ZNF514: variants seen among roughly 807,000 people sequenced by gnomAD.
ZNF514 encodes zinc finger protein 514.
ZNF514 carries 12 observed loss-of-function variants against 9.7 expected under a neutral mutation model. The ratio of observed to expected loss-of-function variants is 1.24; its 90% CI spans 0.79 to 2.01. ZNF514 has a LOEUF of 2.01. Among genes scored for constraint, ZNF514 ranks in the 30% most tolerant of loss-of-function variants. The probability of loss-of-function intolerance (pLI) is 0.00; values close to 1 mark genes in which losing one functional copy is unlikely to be tolerated. For missense variants in ZNF514, 467 were observed against 465.5 expected (o/e 1.00, Z -0.03); for synonymous variants, 158 against 163.7 (o/e 0.97, Z 0.27).
intron 2 of ZNF514, 89 bp from the exon 3 acceptor site, chr2:95,153,348 G>T: frequency 7.5e-7 from 1 of 1,339,128 alleles, no homozygotes; most frequent in Non-Finnish European, 1.0e-6. Flanking sequence ...AGGTGAATCA[G>T]GCCTACAGAG....
chr2:95,149,920 A>C lies in ZNF514; in HGVS notation c.565T>G (p.Leu189Val), dbSNP rs1240209580. Residue 189 changes from leucine to valine, a missense_variant, in exon 5 of 5, where the codon TTA becomes GTA. Leu to Val is a conservative substitution (Grantham distance 32). Transcript: ENST00000295208. ...GTTCTCTGAGAGTTGTTTCCCCCTA[A>C]AGTCTGCCTGAATTCTGTATCACAT... Reference protein sequence around the residue: ...YKCDTEFRQTLGGNNSQRTHP... With the variant: ...YKCDTEFRQTVGGNNSQRTHP... 1 of 1,614,030 alleles carries C rather than the reference A, an allele frequency of 6.2e-7. No individual in the cohort carries two copies. Among genetic ancestry groups the C allele is most frequent in the Non-Finnish European group, 8.5e-7 (1 of 1,180,026 alleles).
At chr2:95,154,930 C>T (rs779290637) in intron 2 of ZNF514, 6 of 152,098 alleles carry the variant, frequency 3.9e-5, no homozygotes, top group Non-Finnish European at 8.8e-5. Context: ...AAAAGGCTCC[C>T]AATAAAGGCT....
In ZNF514 at chr2:95,150,162, A is replaced by G; in HGVS notation, c.323T>C (p.Leu108Pro). ...VSVEKHIQDV[L>P]QFSKLKAACG... Reference sequence around the variant, plus strand: ...GGCTGCTTTCAACTTCGAGAACTGCAGCACATCTTGAATGTGTTTTTCCAC... The same window carrying G: ...GGCTGCTTTCAACTTCGAGAACTGCGGCACATCTTGAATGTGTTTTTCCAC... Residue 108 changes from leucine to proline, a missense_variant, in exon 5 of 5, where the codon CTG (leucine) becomes CCG (proline). Coordinates refer to ENST00000295208, the MANE Select transcript of ZNF514 (RefSeq NM_032788.3). The G allele has an allele frequency of 6.2e-7, 1 of 1,610,768 alleles. No homozygotes were observed. Among genetic ancestry groups the G allele is most frequent in the Non-Finnish European group, 8.5e-7 (1 of 1,179,992 alleles).
downstream of ZNF514, among the ~76,000 whole-genome samples, chr2:95,141,041 G>A (rs1441139226): frequency 2.0e-5 from 3 of 152,016 alleles, no homozygotes; most frequent in East Asian, 3.9e-4. Context: ...GGACTCAGGG[G>A]AAACGGTGGG....
rs1326111006 is a variant in ZNF514 at position 95,147,293 on chromosome 2, A to G, written c.*1989T>C. 6.6e-6 allele frequency: 1 copy of G among 152,222 alleles called. No individual in the cohort carries two copies. Among genetic ancestry groups the G allele is most frequent in the Non-Finnish European group, 1.5e-5 (1 of 68,038 alleles). 9.4% of individuals were successfully genotyped at this position (152,222 alleles called of 1,614,324 possible). Reference sequence around the variant, plus strand: ...GGCTTGAAGTAACAAACAAAACAGGAATACTTGTTTAGCAATGGTTGGTAT... The same window carrying G: ...GGCTTGAAGTAACAAACAAAACAGGGATACTTGTTTAGCAATGGTTGGTAT... On this transcript the variant is annotated 3_prime_UTR_variant, in exon 5 of 5. Coordinates refer to ENST00000295208, the MANE Select transcript of ZNF514 (RefSeq NM_032788.3).
At chr2:95,153,490 C>T (rs1673600347) in intron 2 of ZNF514, 2 of 362,172 alleles carry the variant, frequency 5.5e-6, no homozygotes, top group African/African-American at 4.1e-5. Flanking sequence ...CTCAAATACA[C>T]AAGGATCAAC....
At chr2:95,123,856 C>T in the ZNF514 span, among the ~76,000 whole-genome samples, 2 of 152,190 alleles carry the variant, frequency 1.3e-5, no homozygotes, top group Non-Finnish European at 2.9e-5. Flanking sequence ...GTTTTGATTA[C>T]TTAGTCGTTT....
At chr2:95,157,541 C>T in intron 1 of ZNF514, 102 bp from the exon 2 acceptor site, 1 of 569,178 alleles carries the variant, frequency 1.8e-6, no homozygotes, top group Non-Finnish European at 2.9e-6. Flanking sequence ...AATGTCACCT[C>T]CGTTGTTCTG....
chr2:95,145,913 T>C lies in ZNF514; in HGVS notation c.*3369A>G, dbSNP rs930014739. ...CTCCCGTGTTTGGTAATGTCCTCTTTAGGCTGCCCCAACCTGCTGCTGCTC... is the reference window on the plus strand; with the variant it reads ...CTCCCGTGTTTGGTAATGTCCTCTTCAGGCTGCCCCAACCTGCTGCTGCTC... On this transcript the variant is annotated 3_prime_UTR_variant, in exon 5 of 5. Coordinates refer to ENST00000295208, the MANE Select transcript of ZNF514 (RefSeq NM_032788.3). Among the ~76,000 whole-genome samples, 1 of 152,238 alleles carries C rather than the reference T, an allele frequency of 6.6e-6. No homozygotes were observed. The highest frequency in any genetic ancestry group is 2.4e-5 in the African/African-American group (1 of 41,476).
chr2:95,124,651 C>A, the ZNF514 span, among the ~76,000 whole-genome samples: 2 of 151,752 alleles, frequency 1.3e-5, no homozygotes, highest in African/African-American at 4.8e-5. Flanking sequence ...CAGGCGTGTC[C>A]CATTACACTC....
At chr2:95,135,636 G>T in the ZNF514 span, among the ~76,000 whole-genome samples, 40 of 151,910 alleles carry the variant, frequency 2.6e-4, no homozygotes, top group African/African-American at 9.2e-4. Context: ...TGTCCAGGCC[G>T]GTCTTGAATC....
downstream of ZNF514, among the ~76,000 whole-genome samples, chr2:95,141,502 C>G (rs1673221438): frequency 6.6e-6 from 1 of 152,114 alleles, no homozygotes; most frequent in Non-Finnish European, 1.5e-5. Flanking sequence ...CAATACTATA[C>G]TCTACCATGC....
Position 95,149,123 on chromosome 2 carries a change from G to A in ZNF514, c.*159C>T. The stretch of plus-strand genomic sequence containing the variant: ...AGAGAGGGGAAGCCCACCCCCTCTT[G>A]ACATTGACAGGGATTCTCTTTAGTA... On this transcript the variant is annotated 3_prime_UTR_variant, in exon 5 of 5. Transcript: ENST00000295208. 1 of 923,840 alleles carries A rather than the reference G, an allele frequency of 1.1e-6. No individual in the cohort carries two copies. The highest frequency in any genetic ancestry group is 3.4e-4 in the Middle Eastern group (1 of 2,904). The allele number at this position is 923,840 out of a possible 1,614,324, so 57.2% of individuals were successfully genotyped here. A position where few individuals can be genotyped will look rare whatever the true frequency, so the allele number is the denominator to read the frequency against.
intron 1 of ZNF514, chr2:95,158,832 A>C: frequency 7.8e-7 from 1 of 1,285,444 alleles, no homozygotes; most frequent in Non-Finnish European, 1.0e-6. Context: ...ATGTCGCCAC[A>C]CGGAAGGCAG....
At chr2:95,134,610 T>C in the ZNF514 span, among the ~76,000 whole-genome samples, 3 of 152,148 alleles carry the variant, frequency 2.0e-5, no homozygotes, top group Non-Finnish European at 4.4e-5. Flanking sequence ...CCCCATACCC[T>C]TTAGCTGTTT....
At chr2:95,155,696 C>G (rs1573381706) in intron 2 of ZNF514, 1 of 152,258 alleles carries the variant, frequency 6.6e-6, no homozygotes, top group Non-Finnish European at 1.5e-5. Flanking sequence ...ATGAATTATT[C>G]GCTTAACATA....
At chr2:95,131,410 T>G in the ZNF514 span, among the ~76,000 whole-genome samples, 3 of 152,200 alleles carry the variant, frequency 2.0e-5, no homozygotes, top group Admixed American at 2.0e-4. Flanking sequence ...AGGAGTTATC[T>G]CTCCCTCTTA....
chr2:95,150,726 T>C (rs1450778808), intron 4 of ZNF514, among the ~76,000 whole-genome samples: 1 of 152,226 alleles, frequency 6.6e-6, no homozygotes, highest in Non-Finnish European at 1.5e-5. Context: ...CTGAAACCCT[T>C]CACTTTCTTC....
chr2:95,143,859 C>A (rs2874316), downstream of ZNF514, among the ~76,000 whole-genome samples: 1 of 152,150 alleles, frequency 6.6e-6, no homozygotes, highest in African/African-American at 2.4e-5. Flanking sequence ...CAGCCTTGTA[C>A]TCTTAGTTAA....
Sources: gnomAD v4.1 joint callset for allele counts (sites outside exome capture counted in the v4.1 genomes callset) on GRCh38, gnomAD v4.1.1 for gene constraint, MANE v1.5 for transcripts, NCBI Gene and HGNC (gene_info 2026-07-23, HGNC 2026-07-21) for gene names.